MGST1: variants seen among roughly 807,000 people sequenced by gnomAD.
MGST1 encodes glutathione S-transferase 12.
A neutral mutation model predicts 8.9 loss-of-function variants in MGST1; 5 were observed. The observed-to-expected ratio is 0.56, with a 90% CI of 0.29 to 1.19. MGST1 has a LOEUF of 1.19. MGST1 is among the 50% of genes most tolerant of loss of function. The pLI is 0.08. For synonymous variants in MGST1, 54 were observed against 67.8 expected, an observed-to-expected ratio of 0.80 and a Z score of 1.00; for missense variants, 182 against 187.4, an observed-to-expected ratio of 0.97 and a Z score of 0.17.
intron 4 of MGST1, among the ~76,000 whole-genome samples, chr12:16,529,984 G>A (rs964243401): frequency 2.0e-5 from 3 of 152,034 alleles, no homozygotes; most frequent in African/African-American, 2.4e-5. Context: ...TCTGCAAATA[G>A]CAAAAACACT....
chr12:16,371,543 T>C (rs1237269404), intron 3 of MGST1, among the ~76,000 whole-genome samples: 1 of 152,078 alleles, frequency 6.6e-6, no homozygotes, highest in Non-Finnish European at 1.5e-5. Flanking sequence ...AAGCTAACAA[T>C]GATCAATGGT....
At chr12:16,474,625 C>A (rs1414920099) in intron 4 of MGST1, among the ~76,000 whole-genome samples, 2 of 152,164 alleles carry the variant, frequency 1.3e-5, no homozygotes, top group Non-Finnish European at 1.5e-5. Context: ...TTCATATAAC[C>A]TTTTTGATCC....
chr12:16,474,035 G>A (rs975569908), intron 4 of MGST1, among the ~76,000 whole-genome samples: 3 of 152,178 alleles, frequency 2.0e-5, no homozygotes, highest in African/African-American at 7.2e-5. Flanking sequence ...GGTATTCTAT[G>A]CTATACTGGA....
intron 4 of MGST1, among the ~76,000 whole-genome samples, chr12:16,471,580 A>G (rs192883599): frequency 2.8e-4 from 42 of 152,330 alleles, no homozygotes; most frequent in African/African-American, 8.7e-4. Context: ...GCTGTATAGC[A>G]CAACAAAACA....
chr12:16,354,654 G>A (rs923262850), intron 2 of MGST1: 7 of 217,488 alleles, frequency 3.2e-5, no homozygotes, highest in Admixed American at 5.9e-5. Flanking sequence ...AAGTTTTCAC[G>A]GAAACTTTCT....
At position 16,376,956 on chromosome 12, in the gene MGST1, G is replaced by A. The variant is rs1029098931; in HGVS notation, c.*792G>A. ...TACTGTTCTCATTCCTTTTATTTAT[G>A]TTTGAAATGTTCTAAAATTAAAAGT... On this transcript the variant is annotated 3_prime_UTR_variant, in exon 4 of 4. Transcript: ENST00000535309. The A allele has an allele frequency of 3.3e-5, 5 of 151,966 alleles. No homozygotes were observed. The East Asian group carries it at 5.8e-4, about 18-fold the overall frequency. 9.4% of individuals were successfully genotyped at this position (151,966 alleles called of 1,614,324 possible).
intron 1 of MGST1, chr12:16,399,437 T>C: frequency 6.5e-7 from 1 of 1,540,614 alleles, no homozygotes; most frequent in South Asian, 1.1e-5. Flanking sequence ...GGTCCGCTTT[T>C]CGGGCTTCTT....
At chr12:16,557,167 G>C (rs1942220642) in intron 4 of MGST1, among the ~76,000 whole-genome samples, 1 of 151,924 alleles carries the variant, frequency 6.6e-6, no homozygotes, top group African/African-American at 2.4e-5. Flanking sequence ...ATTTAGGCTG[G>C]GTTTAGCACT....
chr12:16,424,827 T>C (rs1940871531), intron 1 of MGST1, among the ~76,000 whole-genome samples: 1 of 152,188 alleles, frequency 6.6e-6, no homozygotes, highest in Non-Finnish European at 1.5e-5. Flanking sequence ...ACGGGATATA[T>C]TTTTGTCTCC....
downstream of MGST1, chr12:16,364,442 AT>A: frequency 1.0e-6 from 1 of 972,404 alleles, no homozygotes. This position sits in a 1 kb window ranked among gnomAD's most constrained non-coding sequence, Gnocchi z 5.7. Flanking sequence ...CCAACATTTT[AT>A]TTTCAAAAGT....
chr12:16,480,144 T>A lies in MGST1; in HGVS notation n.482+96540T>A, dbSNP rs79555095. Among the ~76,000 whole-genome samples the A allele has an allele frequency of 1.9e-3, 262 of 140,576 alleles. 6 individuals are homozygous for A. Among genetic ancestry groups the A allele is most frequent in the East Asian group, 0.013 (64 of 5,036 alleles). 92.2% of individuals were successfully genotyped at this position (140,576 alleles called of 152,430 possible). A position where few individuals can be genotyped will look rare whatever the true frequency, so the allele number is the denominator to read the frequency against. On this transcript the variant is annotated intron_variant and non_coding_transcript_variant, in intron 4 of 4. Transcript: ENST00000538857. Reference sequence around the variant, plus strand: ...CATTAAAATAAAATAAAAATTTGCTTTTTTTTTTTTTTTTTTGAGACGGAG... The same window carrying A: ...CATTAAAATAAAATAAAAATTTGCTATTTTTTTTTTTTTTTTGAGACGGAG...
At chr12:16,455,589 A>C (rs1341352515) in intron 4 of MGST1, among the ~76,000 whole-genome samples, 1 of 151,884 alleles carries the variant, frequency 6.6e-6, no homozygotes, top group Non-Finnish European at 1.5e-5. Context: ...ATGATGCTAA[A>C]GAATGAAAAG....
At chr12:16,352,309 C>T (rs867556141) in intron 1 of MGST1, among the ~76,000 whole-genome samples, 1 of 152,094 alleles carries the variant, frequency 6.6e-6, no homozygotes, top group South Asian at 2.1e-4. Flanking sequence ...AATAAAGATA[C>T]ATATAAATGT....
At chr12:16,574,807 G>A (rs1306225407) in intron 4 of MGST1, among the ~76,000 whole-genome samples, 1 of 152,180 alleles carries the variant, frequency 6.6e-6, no homozygotes, top group Non-Finnish European at 1.5e-5. Flanking sequence ...GTGGTAGGTG[G>A]CATCCATTCT....
intron 1 of MGST1, among the ~76,000 whole-genome samples, chr12:16,392,910 A>G (rs1293726492): frequency 1.3e-5 from 2 of 152,130 alleles, no homozygotes; most frequent in African/African-American, 2.4e-5. Flanking sequence ...AGGGACCTAG[A>G]GAGATAGTAG....
chr12:16,470,630 A>G (rs1406090105), intron 4 of MGST1, among the ~76,000 whole-genome samples: 3 of 152,210 alleles, frequency 2.0e-5, no homozygotes, highest in Non-Finnish European at 4.4e-5. Context: ...ATGATGAAGA[A>G]TTTCTAAGTA....
intron 4 of MGST1, among the ~76,000 whole-genome samples, chr12:16,524,040 C>G (rs756038424): frequency 6.6e-6 from 1 of 151,992 alleles, no homozygotes; most frequent in Non-Finnish European, 1.5e-5. Context: ...TATACATTTG[C>G]TTTGTAAACA....
chr12:16,420,059 G>A (rs1434794870), intron 1 of MGST1, among the ~76,000 whole-genome samples: 1 of 152,140 alleles, frequency 6.6e-6, no homozygotes, highest in Non-Finnish European at 1.5e-5. Flanking sequence ...AAACATTTAT[G>A]TTAACAATTC....
At position 16,546,435 on chromosome 12, in the gene MGST1, A is replaced by G. The variant is rs1941824309; in HGVS notation, n.483-43093A>G. 6.6e-6 allele frequency among the ~76,000 whole-genome samples: 1 copy of G among 152,142 alleles called. No homozygotes were observed. The highest frequency in any genetic ancestry group is 1.5e-5 in the Non-Finnish European group (1 of 68,004). ...AGAATACCAATTGTGTAAAAAGTGC[A>G]GAGAATTCCAATTCACTTTTGAATG... On this transcript the variant is annotated intron_variant and non_coding_transcript_variant, in intron 4 of 4. Coordinates refer to the MGST1 transcript ENST00000538857. This position sits in a 1 kb window ranked among gnomAD's most constrained non-coding sequence, Gnocchi z 4.7.
Sources: gnomAD v4.1 joint callset for allele counts (sites outside exome capture counted in the v4.1 genomes callset) on GRCh38, gnomAD v4.1.1 for gene constraint, Gnocchi (gnomAD v3.1) non-coding constraint, MANE v1.5 for transcripts, NCBI Gene and HGNC (gene_info 2026-07-23, HGNC 2026-07-21) for gene names.